Variants in AKR1B15 observed in about 807,000 individuals in gnomAD.
AKR1B15 encodes the protein estradiol 17-beta-dehydrogenase AKR1B15.
In AKR1B15, 49 loss-of-function variants were observed where a neutral mutation model predicts 38.5. The ratio of observed to expected loss-of-function variants is 1.27; its 90% CI spans 1.01 to 1.62. The LOEUF is 1.62. AKR1B15 is among the 40% of genes most tolerant of loss of function. The probability of loss-of-function intolerance (pLI) is 0.00; values close to 1 mark genes in which losing one functional copy is unlikely to be tolerated. For synonymous variants in AKR1B15, 137 were observed against 135.5 expected, an observed-to-expected ratio of 1.01 and a Z score of -0.08; for missense variants, 411 against 381.6, an observed-to-expected ratio of 1.08 and a Z score of -0.64.
At chr7:134,550,805 G>A (rs969957029) in intron 1 of AKR1B15, among the ~76,000 whole-genome samples, 3 of 152,118 alleles carry the variant, frequency 2.0e-5, no homozygotes, top group Admixed American at 6.5e-5. Flanking sequence ...TACGGGGTCC[G>A]CCTTAAAAAA....
chr7:134,568,008 G>A (rs1794578968), intron 3 of AKR1B15, 150 bp from the exon 4 acceptor site: 3 of 928,068 alleles, frequency 3.2e-6, no homozygotes, highest in Admixed American at 2.2e-5. Context: ...AGAGAATATG[G>A]TGGTTGCTGA....
At chr7:134,549,764 T>C (rs1793902335) in intron 1 of AKR1B15, among the ~76,000 whole-genome samples, 1 of 152,194 alleles carries the variant, frequency 6.6e-6, no homozygotes, top group African/African-American at 2.4e-5. Flanking sequence ...AAAATTGCCA[T>C]GCTTGTTTAT....
intron 1 of AKR1B15, among the ~76,000 whole-genome samples, chr7:134,554,939 C>A (rs1005730119): frequency 6.6e-6 from 1 of 152,130 alleles, no homozygotes; most frequent in Non-Finnish European, 1.5e-5. Context: ...GAGCTCTGGA[C>A]AAGTAGAATG....
intron 6 of AKR1B15, among the ~76,000 whole-genome samples, chr7:134,574,064 T>A (rs61509065): frequency 5.6e-4 from 19 of 34,160 alleles, no homozygotes; most frequent in African/African-American, 2.2e-3. Context: ...TTAAAACAAA[T>A]TTTTTTTTTT....
intron 2 of AKR1B15, among the ~76,000 whole-genome samples, chr7:134,561,451 C>A (rs1463423380): frequency 6.6e-6 from 1 of 152,226 alleles, no homozygotes; most frequent in Non-Finnish European, 1.5e-5. Context: ...AAGTGATCCA[C>A]CTGCCTTGGC....
intron 1 of AKR1B15, among the ~76,000 whole-genome samples, chr7:134,552,178 G>A (rs575860686): frequency 5.3e-5 from 8 of 152,196 alleles, no homozygotes; most frequent in South Asian, 4.2e-4. Context: ...CTCCCTCCTC[G>A]GATGAGACCT....
chr7:134,571,232 T>A (rs1400636866), intron 5 of AKR1B15, among the ~76,000 whole-genome samples: 2 of 152,114 alleles, frequency 1.3e-5, no homozygotes, highest in Non-Finnish European at 2.9e-5. Flanking sequence ...AGTTGGCCAA[T>A]ATCTTCTCCA....
intron 2 of AKR1B15, among the ~76,000 whole-genome samples, chr7:134,562,834 CTTTCTT>C (rs934346083): frequency 3.9e-5 from 1 of 25,364 alleles, no homozygotes; most frequent in Non-Finnish European, 1.0e-4. Flanking sequence ...CTTCCTTTCT[CTTTCTT>C]TCTTTCTTTC....
chr7:134,555,686 C>A (rs4728330), intron 1 of AKR1B15, among the ~76,000 whole-genome samples: 2 of 151,986 alleles, frequency 1.3e-5, no homozygotes, highest in African/African-American at 4.8e-5. Context: ...CCCGACCCTG[C>A]CCATACCCTT....
chr7:134,565,432 A>T (rs1373412647), intron 3 of AKR1B15: 3 of 1,611,692 alleles, frequency 1.9e-6, no homozygotes, highest in Non-Finnish European at 2.5e-6. Context: ...TGGACACAGC[A>T]GGACGTGAGA....
At chr7:134,559,600 A>G (rs78153051) in intron 2 of AKR1B15, among the ~76,000 whole-genome samples, 39 of 152,236 alleles carry the variant, frequency 2.6e-4, no homozygotes, top group Non-Finnish European at 5.1e-4. Flanking sequence ...GAAAAATGAC[A>G]CTACTCTTCG....
chr7:134,558,704 A>G (rs1218174502), intron 2 of AKR1B15, among the ~76,000 whole-genome samples: 1 of 152,198 alleles, frequency 6.6e-6, no homozygotes, highest in Non-Finnish European at 1.5e-5. Context: ...CACCTGAGGA[A>G]ACGCTCTATG....
rs552435778 is a variant in AKR1B15 at position 134,569,402 on chromosome 7, A to G, written c.319-11A>G. On this transcript the variant is annotated splice_polypyrimidine_tract_variant and intron_variant, in intron 4 of 11. Coordinates refer to ENST00000457545, the MANE Select transcript of AKR1B15 (RefSeq NM_001080538.3). The stretch of plus-strand genomic sequence containing the variant: ...CCCAGTATTACTAGCTCATTGCTAC[A>G]CTCTTTGCAGGTGTGGCCCACTTTC... 408 of 1,613,846 alleles carry G rather than the reference A, an allele frequency of 2.5e-4. 4 individuals are homozygous for G. The South Asian group carries it at 4.1e-3, about 16-fold the overall frequency.
intron 2 of AKR1B15, among the ~76,000 whole-genome samples, chr7:134,558,680 A>G (rs570881614): frequency 6.6e-6 from 1 of 152,346 alleles, no homozygotes; most frequent in East Asian, 1.9e-4. Context: ...CCCCTTGGAA[A>G]GATATTGGCC....
chr7:134,565,638 G>C, intron 3 of AKR1B15: 12 of 1,560,092 alleles, frequency 7.7e-6, no homozygotes, highest in Non-Finnish European at 1.0e-5. Flanking sequence ...CCTGGAGGTC[G>C]GGTAGGGGTT....
chr7:134,572,593 A>G (rs1323749260), intron 6 of AKR1B15, among the ~76,000 whole-genome samples: 1 of 151,078 alleles, frequency 6.6e-6, no homozygotes, highest in Non-Finnish European at 1.5e-5. Flanking sequence ...GCACCATTGC[A>G]CTCCAGCCCA....
chr7:134,559,702 G>A (rs1427708860), intron 2 of AKR1B15, among the ~76,000 whole-genome samples: 2 of 152,144 alleles, frequency 1.3e-5, no homozygotes, highest in Admixed American at 1.3e-4. Context: ...ATATTCATCA[G>A]ATTTAAAAAA....
intron 1 of AKR1B15, among the ~76,000 whole-genome samples, chr7:134,554,844 G>A (rs1212125605): frequency 1.3e-5 from 2 of 152,106 alleles, no homozygotes; most frequent in African/African-American, 2.4e-5. Flanking sequence ...TCTGATAATG[G>A]ACCAGCCTTC....
chr7:134,565,243 C>T (rs1175980586), intron 3 of AKR1B15: 11 of 560,124 alleles, frequency 2.0e-5, no homozygotes, highest in African/African-American at 3.8e-5. Flanking sequence ...CGACAGTCTG[C>T]GGCTTCATTC....
Sources: gnomAD v4.1 joint callset for allele counts (sites outside exome capture counted in the v4.1 genomes callset) on GRCh38, gnomAD v4.1.1 for gene constraint, MANE v1.5 for transcripts, NCBI Gene and HGNC (gene_info 2026-07-23, HGNC 2026-07-21) for gene names.